ADGB: variants seen among roughly 807,000 people sequenced by gnomAD.
ADGB encodes androglobin.
A neutral mutation model predicts 210.5 loss-of-function variants in ADGB; 172 were observed. That is an observed-to-expected ratio of 0.82 (90% CI 0.72 to 0.93). The LOEUF is 0.93. Among genes scored for constraint, ADGB ranks in the 40% least tolerant of loss-of-function variants. The probability of loss-of-function intolerance (pLI) is 0.00; values close to 1 mark genes in which losing one functional copy is unlikely to be tolerated. For missense variants in ADGB, 2,025 were observed against 1,964.8 expected (o/e 1.03, Z -0.58); for synonymous variants, 658 against 662.7 (o/e 0.99, Z 0.11).
intron 32 of ADGB, among the ~76,000 whole-genome samples, chr6:146,786,151 A>G (rs1011435806): frequency 1.6e-5 from 1 of 64,302 alleles, no homozygotes; most frequent in Non-Finnish European, 2.9e-5. Flanking sequence ...TATTATTTAT[A>G]TATATTTAAG....
At chr6:146,787,689 CAT>C (rs1777894024) in intron 32 of ADGB, among the ~76,000 whole-genome samples, 3 of 148,176 alleles carry the variant, frequency 2.0e-5, no homozygotes, top group East Asian at 4.0e-4. Context: ...AACATTTCTT[CAT>C]GCTCTTAAGT....
chr6:146,640,255 GAA>G lies in ADGB; in HGVS notation c.238-4517_238-4516del, dbSNP rs528093148. On this transcript the variant is annotated intron_variant, in intron 2 of 35. Coordinates refer to ENST00000397944, the MANE Select transcript of ADGB (RefSeq NM_024694.4). ...CAGACCAATAACAAGCTCTGAAATGGAATCAGTAATAAAGGGCCTACCAACCA... is the reference window on the plus strand; with the variant it reads ...CAGACCAATAACAAGCTCTGAAATGGTCAGTAATAAAGGGCCTACCAACCA... Among the ~76,000 whole-genome samples, 497 of 152,012 alleles carry G rather than the reference GAA, an allele frequency of 3.3e-3. 1 individual carries two copies. The highest frequency in any genetic ancestry group is 5.2e-3 in the Non-Finnish European group (356 of 67,924).
chr6:146,790,297 T>C (rs571793552), intron 33 of ADGB, among the ~76,000 whole-genome samples: 1 of 152,292 alleles, frequency 6.6e-6, no homozygotes, highest in Admixed American at 6.5e-5. Flanking sequence ...GCTAGCTAAC[T>C]GAAACTAACT....
intron 33 of ADGB, among the ~76,000 whole-genome samples, chr6:146,800,088 G>A (rs113508279): frequency 4.3e-4 from 66 of 152,178 alleles, no homozygotes; most frequent in African/African-American, 1.3e-3. Flanking sequence ...GATTACAGGC[G>A]TGAGCCACCG....
At chr6:146,600,422 T>C in intron 1 of ADGB, 1 of 192,752 alleles carries the variant, frequency 5.2e-6, no homozygotes, top group Non-Finnish European at 1.1e-5. Flanking sequence ...CCCTGAGTCA[T>C]CTCAGGATTG....
chr6:146,723,862 G>A (rs910707235), intron 17 of ADGB, among the ~76,000 whole-genome samples: 2 of 152,040 alleles, frequency 1.3e-5, no homozygotes, highest in African/African-American at 4.8e-5. Context: ...TATCTAGAAG[G>A]ATATTGTAGT....
intron 32 of ADGB, among the ~76,000 whole-genome samples, chr6:146,785,962 A>AT (rs1321035593): frequency 1.3e-5 from 2 of 152,004 alleles, no homozygotes; most frequent in African/African-American, 4.8e-5. Flanking sequence ...AGGAGATGTG[A>AT]TTTTCTCCAT....
chr6:146,696,544 T>C (rs1776405100), intron 12 of ADGB, among the ~76,000 whole-genome samples: 1 of 149,386 alleles, frequency 6.7e-6, no homozygotes, highest in Non-Finnish European at 1.5e-5. Context: ...AAGGGCACTG[T>C]TTTTGTGAGG....
intron 33 of ADGB, among the ~76,000 whole-genome samples, chr6:146,790,648 C>T (rs1421178824): frequency 6.6e-6 from 1 of 152,186 alleles, no homozygotes; most frequent in Non-Finnish European, 1.5e-5. Flanking sequence ...ACGTAATGCA[C>T]ATACAAGTAC....
chr6:146,727,609 C>A (rs935946091), intron 19 of ADGB, among the ~76,000 whole-genome samples: 2 of 152,150 alleles, frequency 1.3e-5, no homozygotes, highest in African/African-American at 4.8e-5. Flanking sequence ...GGAGATATTA[C>A]TTCCTGATGT....
rs975452120 is a variant in ADGB at position 146,733,345 on chromosome 6, A to G, written c.2656+90A>G. The G allele has an allele frequency of 2.5e-5, 32 of 1,284,830 alleles. 1 individual carries two copies. The African/African-American group carries it at 4.0e-4, about 16-fold the overall frequency. The allele number at this position is 1,284,830 out of a possible 1,614,324, so 79.6% of individuals were successfully genotyped here. ...GAAATGTGTTTGTGGAGTAAGTGGA[A>G]TAAGTCTGTGTGGACTGTCATGGAG... On this transcript the variant is annotated intron_variant, in intron 21 of 35. Coordinates refer to ENST00000397944, the MANE Select transcript of ADGB (RefSeq NM_024694.4).
intron 28 of ADGB, among the ~76,000 whole-genome samples, chr6:146,766,430 A>AAAATTAAATT (rs71552958): frequency 0.084 from 11,677 of 139,330 alleles, 1,375 homozygotes; most frequent in African/African-American, 0.27. Flanking sequence ...CTGTCTCAGT[A>AAAATTAAATT]AAATTAAATT....
intron 1 of ADGB, among the ~76,000 whole-genome samples, chr6:146,625,649 T>C (rs962601714): frequency 2.6e-5 from 4 of 152,082 alleles, no homozygotes; most frequent in African/African-American, 9.7e-5. Context: ...TCTTTCTCAC[T>C]CCCTCTCTTG....
chr6:146,717,109 G>A, intron 15 of ADGB, 40 bp downstream of exon 15: 1 of 1,474,496 alleles, frequency 6.8e-7, no homozygotes, highest in East Asian at 2.5e-5. Flanking sequence ...ATGTCGTAGT[G>A]GTTAAACCCT....
At chr6:146,647,115 A>AAAAAAAAAAAC (rs1562263814) in intron 3 of ADGB, among the ~76,000 whole-genome samples, 6 of 147,928 alleles carry the variant, frequency 4.1e-5, no homozygotes, top group African/African-American at 1.5e-4. Flanking sequence ...CAAAAAACAA[A>AAAAAAAAAAAC]AAACAAACAA....
intron 13 of ADGB, among the ~76,000 whole-genome samples, chr6:146,703,504 A>G (rs1229956415): frequency 1.3e-5 from 2 of 151,788 alleles, no homozygotes; most frequent in Non-Finnish European, 3.0e-5. Flanking sequence ...TTTGACCAGT[A>G]TTTTCCCAAT....
chr6:146,666,763 T>C (rs1775941546), intron 6 of ADGB, 53 bp from the exon 7 acceptor site: 3 of 1,094,978 alleles, frequency 2.7e-6, no homozygotes, highest in Non-Finnish European at 4.1e-6. Context: ...CTTATATATC[T>C]TTATGTGTTT....
intron 27 of ADGB, among the ~76,000 whole-genome samples, chr6:146,763,565 TAAC>T (rs1777529850): frequency 6.6e-6 from 1 of 152,220 alleles, no homozygotes; most frequent in East Asian, 1.9e-4. Flanking sequence ...ATAAGTGTGA[TAAC>T]ATACATATGT....
chr6:146,700,761 C>G (rs115341795), intron 12 of ADGB, among the ~76,000 whole-genome samples, 180 bp from the exon 13 acceptor site: 316 of 152,124 alleles, frequency 2.1e-3, no homozygotes, highest in African/African-American at 6.9e-3. Context: ...TTTTTAGTAG[C>G]ATAGAAAGAT....
Sources: allele counts gnomAD v4.1 joint callset (sites outside exome capture counted in the v4.1 genomes callset), GRCh38; gene constraint gnomAD v4.1.1; transcripts MANE v1.5; gene names NCBI Gene and HGNC (gene_info 2026-07-23, HGNC 2026-07-21).